The following CFLAR variants were observed in gnomAD, a reference collection of about 807,000 sequenced individuals.
CFLAR encodes the protein CASP8 and FADD-like apoptosis regulator.
Under a neutral mutation model 51.1 loss-of-function variants are expected in CFLAR, and 14 were observed. The ratio of observed to expected loss-of-function variants is 0.27; its 90% CI spans 0.18 to 0.43. The LOEUF (loss-of-function observed/expected upper bound fraction) is 0.43, where lower values mean the gene tolerates loss of function less well. Among genes scored for constraint, CFLAR ranks in the 20% least tolerant of loss-of-function variants. The probability of loss-of-function intolerance (pLI) is 1.00; values close to 1 mark genes in which losing one functional copy is unlikely to be tolerated. For missense variants in CFLAR, 390 were observed against 566.5 expected (o/e 0.69, Z 3.16); for synonymous variants, 210 against 211.6 (o/e 0.99, Z 0.06).
At chr2:201,119,867 G>A (rs1052188688) in intron 1 of CFLAR, among the ~76,000 whole-genome samples, 2 of 147,000 alleles carry the variant, frequency 1.4e-5, no homozygotes, top group Non-Finnish European at 3.0e-5. Context: ...ACACATGTGC[G>A]CTCTCAAATA....
rs781326383 is a variant in CFLAR, at chr2:201,160,659, A to G, written c.1021A>G (p.Met341Val). ...CCTGCATCACATCAGGAGGATGTTC[A>G]TGGGAGATTCATGCCCTTATCTAGC... ...LPLHHIRRMF[M>V]GDSCPYLAGK... Residue 341 changes from methionine (M) to valine (V), a missense_variant, in exon 9 of 10, where the codon ATG (methionine) becomes GTG (valine). Met to Val is a conservative substitution (Grantham distance 21, BLOSUM62 1). Coordinates refer to ENST00000309955, the MANE Select transcript of CFLAR (RefSeq NM_003879.7). 3.1e-6 allele frequency: 5 copies of G among 1,613,992 alleles called. No homozygotes were observed. The African/African-American group carries it at 5.3e-5, about 17-fold the overall frequency.
At chr2:201,156,767 AT>A (rs1313733373) in intron 8 of CFLAR, among the ~76,000 whole-genome samples, 2 of 151,558 alleles carry the variant, frequency 1.3e-5, no homozygotes, top group Admixed American at 6.6e-5. Context: ...AACAGTTGAA[AT>A]TTACGGAGAT....
intron 5 of CFLAR, chr2:201,144,096 C>G (rs144487357): frequency 1.3e-5 from 2 of 152,346 alleles, no homozygotes; most frequent in East Asian, 3.9e-4. Flanking sequence ...TGATCAGCCT[C>G]TGGCTAAGTT....
chr2:201,122,400 C>T (rs1239442490), intron 1 of CFLAR: 1 of 152,248 alleles, frequency 6.6e-6, no homozygotes. Flanking sequence ...GGTATCTTAA[C>T]TACACCACCA....
intron 1 of CFLAR, chr2:201,122,528 GGCCA>G (rs2125606207): frequency 6.6e-6 from 1 of 152,282 alleles, no homozygotes; most frequent in African/African-American, 2.4e-5. Context: ...TGGCAGCCCT[GGCCA>G]TTGTTTACCA....
At chr2:201,140,831 AT>A (rs1386942598) in intron 5 of CFLAR, 2 of 156,860 alleles carry the variant, frequency 1.3e-5, no homozygotes, top group Non-Finnish European at 2.8e-5. Flanking sequence ...CTGTTCATTT[AT>A]TCACTTGAAA....
chr2:201,135,519 G>C (rs2049981654), intron 3 of CFLAR, among the ~76,000 whole-genome samples: 1 of 152,216 alleles, frequency 6.6e-6, no homozygotes, highest in Non-Finnish European at 1.5e-5. Flanking sequence ...GCTCATGACA[G>C]AGATGTCTGG....
intron 3 of CFLAR, among the ~76,000 whole-genome samples, chr2:201,134,216 G>C (rs189605511): frequency 1.0e-3 from 153 of 152,022 alleles, no homozygotes; most frequent in Non-Finnish European, 2.1e-3. Flanking sequence ...GTGAAGGCAG[G>C]AGAATCACTT....
chr2:201,155,265 AG>A (rs1941962495), intron 8 of CFLAR, among the ~76,000 whole-genome samples: 1 of 151,162 alleles, frequency 6.6e-6, no homozygotes, highest in Admixed American at 6.6e-5. Context: ...TTTAAGAGGA[AG>A]TTTTTTTTTT....
chr2:201,143,296 A>G (rs1241336732), intron 5 of CFLAR: 1 of 151,826 alleles, frequency 6.6e-6, no homozygotes, highest in Non-Finnish European at 1.5e-5. Flanking sequence ...AACATGGAGA[A>G]ACCCTGTCTC....
In CFLAR at chr2:201,136,002, A is replaced by C. The variant is rs1324314716; in HGVS notation, c.418A>C (p.Lys140Gln). The C allele has an allele frequency of 1.2e-6, 2 of 1,613,276 alleles. No individual in the cohort carries two copies. The highest frequency in any genetic ancestry group is 1.7e-6 in the Non-Finnish European group (2 of 1,179,806). The change falls in exon 4 of 10, where the codon AAA (lysine) becomes CAA (glutamine). Residue 140 changes from lysine (K) to glutamine (Q), a missense_variant. Lys to Gln is a moderately conservative substitution (Grantham distance 53, BLOSUM62 1). Transcript: ENST00000309955. ...CTTGGACCTTGTGGTTGAGTTGGAGAAACTAAATCTGGTTGCCCCAGATCA... is the reference window on the plus strand; with the variant it reads ...CTTGGACCTTGTGGTTGAGTTGGAGCAACTAAATCTGGTTGCCCCAGATCA... ...SFLDLVVELE[K>Q]LNLVAPDQLD...
At chr2:201,140,005 G>A (rs1261625881) in intron 4 of CFLAR, 2 of 303,240 alleles carry the variant, frequency 6.6e-6, no homozygotes, top group South Asian at 2.5e-5. Flanking sequence ...AGCCGGTGCT[G>A]CTGCTGATAG....
Position 201,129,772 on chromosome 2 carries a change from C to T in CFLAR, c.-94C>T. The T allele has an allele frequency of 8.4e-7, 1 of 1,185,630 alleles. No homozygotes were observed. Among genetic ancestry groups the T allele is most frequent in the Admixed American group, 2.1e-5 (1 of 47,258 alleles). 73.4% of individuals were successfully genotyped at this position (1,185,630 alleles called of 1,614,324 possible). On this transcript the variant is annotated 5_prime_UTR_variant, in exon 2 of 10. Coordinates refer to ENST00000309955, the MANE Select transcript of CFLAR (RefSeq NM_003879.7). ...GATTCTGAAAGAAATGAAGTCAGCCCTCAGAAATGAAGTTGACTGCCTGCT... is the reference window on the plus strand; with the variant it reads ...GATTCTGAAAGAAATGAAGTCAGCCTTCAGAAATGAAGTTGACTGCCTGCT...
chr2:201,126,506 A>G (rs2048731264), intron 1 of CFLAR, among the ~76,000 whole-genome samples: 1 of 152,180 alleles, frequency 6.6e-6, no homozygotes, highest in South Asian at 2.1e-4. Flanking sequence ...TAGCTAAGGG[A>G]GAGTCAATTC....
intron 1 of CFLAR, among the ~76,000 whole-genome samples, chr2:201,119,839 G>GTTTTT (rs35011582): frequency 9.1e-5 from 11 of 120,812 alleles, no homozygotes; most frequent in African/African-American, 3.0e-4. Context: ...TCAGTTTAAT[G>GTTTTT]TTTTTTTTTT....
At chr2:201,141,590 G>T in intron 5 of CFLAR, 2 of 1,298,102 alleles carry the variant, frequency 1.5e-6, no homozygotes, top group South Asian at 2.3e-5. Context: ...AAATATCCTT[G>T]TACTTCTTTG....
At chr2:201,130,538 G>A (rs1305815467) in intron 2 of CFLAR, among the ~76,000 whole-genome samples, 1 of 150,678 alleles carries the variant, frequency 6.6e-6, no homozygotes, top group Non-Finnish European at 1.5e-5. Context: ...ATTTTTTTTT[G>A]TATTTTTAGT....
In CFLAR at chr2:201,170,588, T is replaced by C. The variant is rs1480190618; in HGVS notation, c.*6615T>C. 1 of 152,240 alleles carries C rather than the reference T, an allele frequency of 6.6e-6. No individual in the cohort carries two copies. The highest frequency in any genetic ancestry group is 1.9e-4 in the East Asian group (1 of 5,202). The allele number at this position is 152,240 out of a possible 1,614,324, so 9.4% of individuals were successfully genotyped here. ...ACTCCAAAGGTAATACTTATTTAAA[T>C]GGTTTTGAAAATATAGAAAGGCACA... On this transcript the variant is annotated 3_prime_UTR_variant, in exon 10 of 10. Transcript: ENST00000309955.
rs989959465 is a variant in CFLAR, at chr2:201,124,385, G to A, written c.-137-5344G>A. On this transcript the variant is annotated intron_variant, in intron 1 of 9. Coordinates refer to ENST00000309955, the MANE Select transcript of CFLAR (RefSeq NM_003879.7). The surrounding 1 kb of genome is among the most constrained non-coding windows in gnomAD (Gnocchi z 4.7). ...TTTCACTCTTGTTGCCCAGGCTGGA[G>A]TGCAGTGGCGCAATCTTAGCTCACT... Among the ~76,000 whole-genome samples, 20 of 152,192 alleles carry A rather than the reference G, an allele frequency of 1.3e-4. No individual in the cohort carries two copies. The highest frequency in any genetic ancestry group is 4.8e-4 in the African/African-American group (20 of 41,436).
Sources: gnomAD v4.1 joint callset for allele counts (sites outside exome capture counted in the v4.1 genomes callset) on GRCh38, gnomAD v4.1.1 for gene constraint, Gnocchi (gnomAD v3.1) non-coding constraint, MANE v1.5 for transcripts, NCBI Gene and HGNC (gene_info 2026-07-23, HGNC 2026-07-21) for gene names.